PRKG2: variants seen among roughly 807,000 people sequenced by gnomAD.
PRKG2 encodes cGMP-dependent protein kinase 2.
In PRKG2, 33 loss-of-function variants were observed where a neutral mutation model predicts 97.2. The observed-to-expected ratio is 0.34, with a 90% CI of 0.26 to 0.45. PRKG2 has a LOEUF of 0.45. Among genes scored for constraint, PRKG2 ranks in the 20% least tolerant of loss-of-function variants. PRKG2 has a pLI of 1.00. For synonymous variants in PRKG2, 330 were observed against 321.8 expected (o/e 1.03, Z -0.27); for missense variants, 638 against 900.0 (o/e 0.71, Z 3.73).
At chr4:81,199,146 T>C (rs977012643) in intron 2 of PRKG2, among the ~76,000 whole-genome samples, 4 of 152,150 alleles carry the variant, frequency 2.6e-5, no homozygotes, top group South Asian at 4.1e-4. Context: ...ATTATCTATG[T>C]AAAATCTAGG....
chr4:81,150,898 T>C (rs1467160066), intron 8 of PRKG2, among the ~76,000 whole-genome samples: 2 of 152,152 alleles, frequency 1.3e-5, no homozygotes, highest in African/African-American at 4.8e-5. Flanking sequence ...AACAAGTTCA[T>C]TACCGGCTAT....
chr4:81,156,134 C>A (rs1749069026), intron 6 of PRKG2, among the ~76,000 whole-genome samples: 1 of 152,096 alleles, frequency 6.6e-6, no homozygotes, highest in African/African-American at 2.4e-5. Context: ...CACAGACTGG[C>A]AAATTGGATA....
intron 9 of PRKG2, among the ~76,000 whole-genome samples, chr4:81,146,815 T>C (rs1348030147): frequency 6.6e-6 from 1 of 152,196 alleles, no homozygotes; most frequent in African/African-American, 2.4e-5. Context: ...GTATAAAGGC[T>C]GCTATGAGAG....
At chr4:81,128,379 T>A (rs935341825) in intron 14 of PRKG2, among the ~76,000 whole-genome samples, 1 of 152,170 alleles carries the variant, frequency 6.6e-6, no homozygotes, top group Non-Finnish European at 1.5e-5. Flanking sequence ...TCTTTTTCTA[T>A]TGTTTGGAAT....
At chr4:81,159,361 C>T (rs1377075635) in intron 6 of PRKG2, among the ~76,000 whole-genome samples, 4 of 152,278 alleles carry the variant, frequency 2.6e-5, no homozygotes, top group African/African-American at 9.6e-5. Context: ...TGAAAAAATG[C>T]TCATCATCAC....
Position 81,171,674 on chromosome 4 carries a change from A to G in PRKG2, c.742+17T>C, listed in dbSNP as rs1750490141. 1 of 1,557,476 alleles carries G rather than the reference A, an allele frequency of 6.4e-7. No homozygotes were observed. Among genetic ancestry groups the G allele is most frequent in the Non-Finnish European group, 8.8e-7 (1 of 1,140,388 alleles). ...TGCCACAACAATTCAAAGATGGAGCATTTCCTCTTTTATTACCTTTCACAG... is the reference window on the plus strand; with the variant it reads ...TGCCACAACAATTCAAAGATGGAGCGTTTCCTCTTTTATTACCTTTCACAG... On this transcript the variant is annotated intron_variant, in intron 4 of 18. Transcript: ENST00000264399.
intron 5 of PRKG2, among the ~76,000 whole-genome samples, chr4:81,168,204 T>C (rs1012893487): frequency 1.3e-5 from 2 of 152,090 alleles, no homozygotes; most frequent in African/African-American, 4.8e-5. Flanking sequence ...TAGTGAAAAT[T>C]AACTGTTATA....
chr4:81,177,326 T>C (rs1038528300), intron 2 of PRKG2, among the ~76,000 whole-genome samples: 3 of 152,234 alleles, frequency 2.0e-5, no homozygotes, highest in Admixed American at 6.5e-5. Flanking sequence ...TATAGACATA[T>C]TGTAATAGTC....
intron 15 of PRKG2, among the ~76,000 whole-genome samples, chr4:81,107,038 C>A (rs1472242587): frequency 2.6e-5 from 4 of 152,220 alleles, no homozygotes; most frequent in East Asian, 3.9e-4. Flanking sequence ...CATAGTAAAG[C>A]CATCAAAGTT....
intron 2 of PRKG2, among the ~76,000 whole-genome samples, chr4:81,186,717 T>C (rs1411085131): frequency 1.3e-5 from 2 of 151,988 alleles, no homozygotes; most frequent in Non-Finnish European, 2.9e-5. Context: ...ACAAAATAGA[T>C]AGACCCCTAG....
chr4:81,204,464 C>T, intron 2 of PRKG2, 123 bp downstream of exon 2: 1 of 1,125,010 alleles, frequency 8.9e-7, no homozygotes, highest in South Asian at 1.5e-5. Context: ...TTCAAAAACC[C>T]CTCTACCCCA....
chr4:81,157,129 A>C (rs1019761456), intron 6 of PRKG2, among the ~76,000 whole-genome samples: 1 of 152,206 alleles, frequency 6.6e-6, no homozygotes, highest in Non-Finnish European at 1.5e-5. Flanking sequence ...CCAAAAATTA[A>C]CGAATCCAGG....
intron 3 of PRKG2, 66 bp from the exon 4 acceptor site, chr4:81,171,870 A>C (rs895476542): frequency 2.7e-6 from 3 of 1,105,816 alleles, no homozygotes; most frequent in Admixed American, 4.8e-5. Context: ...ACTATAAATT[A>C]GTAAAATAAA....
chr4:81,193,106 A>C (rs1266486111), intron 2 of PRKG2: 1 of 152,214 alleles, frequency 6.6e-6, no homozygotes, highest in Non-Finnish European at 1.5e-5. Flanking sequence ...GCTCAGTGCA[A>C]AGCTGGGGCC....
At chr4:81,183,217 A>T (rs1448488600) in intron 2 of PRKG2, among the ~76,000 whole-genome samples, 1 of 152,194 alleles carries the variant, frequency 6.6e-6, no homozygotes, top group Non-Finnish European at 1.5e-5. Flanking sequence ...GCCAAATAGG[A>T]ACAGCTCCAG....
At chr4:81,179,864 G>A (rs898111909) in intron 2 of PRKG2, among the ~76,000 whole-genome samples, 8 of 151,932 alleles carry the variant, frequency 5.3e-5, no homozygotes, top group East Asian at 3.9e-4. Flanking sequence ...AGGATAGGCC[G>A]GGCGCAGTAG....
intron 2 of PRKG2, among the ~76,000 whole-genome samples, chr4:81,198,875 T>C (rs7656323): frequency 0.17 from 25,767 of 152,164 alleles, 2,403 homozygotes; most frequent in Middle Eastern, 0.24. Flanking sequence ...TCTATCACTA[T>C]GAAATATAAC....
chr4:81,202,558 C>T (rs1212765445), intron 2 of PRKG2, among the ~76,000 whole-genome samples: 1 of 152,072 alleles, frequency 6.6e-6, no homozygotes, highest in Non-Finnish European at 1.5e-5. Flanking sequence ...ATCAATTAGC[C>T]CATTTCTTTA....
At chr4:81,116,772 T>A (rs923669858) in intron 14 of PRKG2, among the ~76,000 whole-genome samples, 3 of 152,092 alleles carry the variant, frequency 2.0e-5, no homozygotes, top group Non-Finnish European at 4.4e-5. Context: ...TGATTAGTGA[T>A]GTTGAGCATT....
Sources: allele counts gnomAD v4.1 joint callset (sites outside exome capture counted in the v4.1 genomes callset), GRCh38; gene constraint gnomAD v4.1.1; transcripts MANE v1.5; gene names NCBI Gene and HGNC (gene_info 2026-07-23, HGNC 2026-07-21).